The following POU2AF2 variants were observed in gnomAD, a reference collection of about 807,000 sequenced individuals.
The protein encoded by POU2AF2 is POU domain class 2-associating factor 2.
the POU2AF2 span, among the ~76,000 whole-genome samples, chr11:111,264,062 G>A: frequency 6.6e-6 from 1 of 152,184 alleles, no homozygotes; most frequent in African/African-American, 2.4e-5. Context: ...GTACTGCTCA[G>A]TTGTGGGGTA....
At chr11:111,283,221 T>C in the POU2AF2 span, among the ~76,000 whole-genome samples, 1 of 152,038 alleles carries the variant, frequency 6.6e-6, no homozygotes. Flanking sequence ...CTGATTTTTG[T>C]ATTGTTTTTA....
the POU2AF2 span, among the ~76,000 whole-genome samples, chr11:111,267,037 TG>T: frequency 2.6e-5 from 4 of 152,212 alleles, no homozygotes; most frequent in African/African-American, 9.6e-5. Flanking sequence ...GGAACACATT[TG>T]TCTCCCCAAT....
chr11:111,279,376 A>G, the POU2AF2 span, among the ~76,000 whole-genome samples: 1 of 152,328 alleles, frequency 6.6e-6, no homozygotes, highest in South Asian at 2.1e-4. Flanking sequence ...GACTTACAGC[A>G]ACAGAAATGT....
At chr11:111,248,041 GCCCAACTGATTT>G in the POU2AF2 span, among the ~76,000 whole-genome samples, 1 of 151,430 alleles carries the variant, frequency 6.6e-6, no homozygotes, top group African/African-American at 2.4e-5. Flanking sequence ...CCGCCACCAC[GCCCAACTGATTT>G]TTTTGTATTT....
At chr11:111,270,471 C>G in the POU2AF2 span, among the ~76,000 whole-genome samples, 114 of 152,170 alleles carry the variant, frequency 7.5e-4, no homozygotes, top group Non-Finnish European at 1.5e-3. Flanking sequence ...CAGATGAACT[C>G]TTTCTTTGTA....
the POU2AF2 span, among the ~76,000 whole-genome samples, chr11:111,264,374 T>C: frequency 7.2e-5 from 11 of 151,974 alleles, no homozygotes; most frequent in South Asian, 2.3e-3. Context: ...TGTGCACCTG[T>C]AATCCCAGCT....
the POU2AF2 span, among the ~76,000 whole-genome samples, chr11:111,280,277 T>C: frequency 6.6e-6 from 1 of 151,960 alleles, no homozygotes; most frequent in Non-Finnish European, 1.5e-5. Context: ...TTCCTCCACA[T>C]GGATTCAGAC....
chr11:111,255,597 T>A, the POU2AF2 span, among the ~76,000 whole-genome samples: 4 of 152,334 alleles, frequency 2.6e-5, no homozygotes, highest in South Asian at 4.1e-4. Flanking sequence ...GTAACCTGAA[T>A]CATACAAATC....
the POU2AF2 span, among the ~76,000 whole-genome samples, chr11:111,262,690 G>C: frequency 6.6e-6 from 1 of 152,134 alleles, no homozygotes; most frequent in Non-Finnish European, 1.5e-5. Flanking sequence ...ATGGTCTTGG[G>C]TAATTCCCTT....
the POU2AF2 span, among the ~76,000 whole-genome samples, chr11:111,277,666 C>T: frequency 6.6e-6 from 1 of 152,168 alleles, no homozygotes; most frequent in African/African-American, 2.4e-5. Flanking sequence ...CTCACAGGGG[C>T]CTTGATCCTG....
the POU2AF2 span, among the ~76,000 whole-genome samples, chr11:111,251,501 C>T: frequency 2.0e-5 from 3 of 152,266 alleles, no homozygotes; most frequent in Admixed American, 6.5e-5. Context: ...ATTTGAAACT[C>T]GATTACATCT....
chr11:111,268,391 G>T, the POU2AF2 span, among the ~76,000 whole-genome samples: 319 of 151,896 alleles, frequency 2.1e-3, no homozygotes, highest in African/African-American at 7.5e-3. Flanking sequence ...TTTGATTTTA[G>T]TAAGATTGTT....
the POU2AF2 span, among the ~76,000 whole-genome samples, chr11:111,282,596 C>T: frequency 6.6e-6 from 1 of 152,098 alleles, no homozygotes; most frequent in Non-Finnish European, 1.5e-5. Context: ...CCCTTGGGCT[C>T]GCAGGTTGAC....
chr11:111,284,199 G>T, the POU2AF2 span: 1 of 1,614,092 alleles, frequency 6.2e-7, no homozygotes, highest in African/African-American at 1.3e-5. Context: ...CCGTTTCCCT[G>T]TGAGTCCTCC....
the POU2AF2 span, among the ~76,000 whole-genome samples, chr11:111,269,067 T>C: frequency 7.9e-5 from 12 of 152,268 alleles, no homozygotes; most frequent in Non-Finnish European, 1.6e-4. Flanking sequence ...TTTGCAAGGT[T>C]ATTGATAAAG....
chr11:111,254,669 C>T, the POU2AF2 span, among the ~76,000 whole-genome samples: 1 of 152,160 alleles, frequency 6.6e-6, no homozygotes, highest in African/African-American at 2.4e-5. Flanking sequence ...TTAATTTCTT[C>T]CTTTCTTCCT....
the POU2AF2 span, among the ~76,000 whole-genome samples, chr11:111,280,664 T>C: frequency 9.2e-5 from 14 of 152,324 alleles, no homozygotes; most frequent in African/African-American, 3.4e-4. Flanking sequence ...GTCACCCTTA[T>C]TGTATTTCAC....
At chr11:111,276,692 G>A in the POU2AF2 span, among the ~76,000 whole-genome samples, 9 of 146,896 alleles carry the variant, frequency 6.1e-5, no homozygotes, top group South Asian at 4.4e-4. Flanking sequence ...AATAGCAGAC[G>A]CCTCAACAGC....
chr11:111,264,548 G>T, the POU2AF2 span, among the ~76,000 whole-genome samples: 1 of 65,194 alleles, frequency 1.5e-5, no homozygotes, highest in South Asian at 8.2e-4. Context: ...AAGAAAGAAA[G>T]AAAGAAAGAA....
Sources: allele counts gnomAD v4.1 joint callset (sites outside exome capture counted in the v4.1 genomes callset), GRCh38; gene constraint gnomAD v4.1.1; transcripts MANE v1.5; gene names NCBI Gene and HGNC (gene_info 2026-07-23, HGNC 2026-07-21).